The following RBFOX3 variants were observed in gnomAD, a reference collection of about 807,000 sequenced individuals.
RBFOX3 encodes RNA binding fox-1 homolog 3.
RBFOX3 carries 17 observed loss-of-function variants against 48.7 expected under a neutral mutation model. That is an observed-to-expected ratio of 0.35 (90% confidence interval 0.24 to 0.52). RBFOX3 has a LOEUF of 0.52. Ranked by LOEUF, RBFOX3 falls within the 20% of genes least tolerant of loss-of-function variation. The pLI is 0.94. For missense variants in RBFOX3, 382 were observed against 497.5 expected (o/e 0.77, Z 2.21); for synonymous variants, 212 against 209.5 (o/e 1.01, Z -0.10).
At chr17:79,122,500 C>T (rs955995590) in intron 4 of RBFOX3, among the ~76,000 whole-genome samples, 4 of 152,210 alleles carry the variant, frequency 2.6e-5, no homozygotes, top group Admixed American at 2.0e-4. Flanking sequence ...CAAAACTACA[C>T]TGAGATATCA....
intron 4 of RBFOX3, among the ~76,000 whole-genome samples, chr17:79,136,756 G>A (rs892352449): frequency 2.6e-5 from 4 of 152,162 alleles, no homozygotes; most frequent in African/African-American, 9.7e-5. Context: ...CCTGCCCCAG[G>A]GCAGGCGGCA....
At chr17:79,543,995 C>G (rs1383879697) in intron 1 of RBFOX3, among the ~76,000 whole-genome samples, 1 of 152,188 alleles carries the variant, frequency 6.6e-6, no homozygotes, top group African/African-American at 2.4e-5. Flanking sequence ...GAAACTCGTG[C>G]CTAGGAACAG....
chr17:79,390,075 T>G lies in RBFOX3; in HGVS notation c.-174-82251A>C, dbSNP rs866159743. 1.8e-4 allele frequency among the ~76,000 whole-genome samples: 27 copies of G among 150,034 alleles called. No homozygotes were observed. Among genetic ancestry groups the G allele is most frequent in the African/African-American group, 6.0e-4 (24 of 40,280 alleles). Reference sequence around the variant, plus strand: ...CCGCAGCCGCCGGGTCTCCGCAGCCTCCGGGTCTCCGCAGCCTCCGGGTCT... The same window carrying G: ...CCGCAGCCGCCGGGTCTCCGCAGCCGCCGGGTCTCCGCAGCCTCCGGGTCT... On this transcript the variant is annotated intron_variant, in intron 2 of 14. Coordinates refer to ENST00000693108, the MANE Select transcript of RBFOX3 (RefSeq NM_001350451.2). The surrounding 1 kb of genome is among the most constrained non-coding windows in gnomAD (Gnocchi z 4.2).
intron 3 of RBFOX3, among the ~76,000 whole-genome samples, chr17:79,301,989 T>C (rs528625341): frequency 2.0e-5 from 3 of 152,248 alleles, no homozygotes; most frequent in African/African-American, 7.2e-5. Context: ...TATTATTTAA[T>C]GGGGACAGAG....
rs1180290773 is a variant in RBFOX3, at chr17:79,106,665, G to A, written c.346C>T (p.Arg116Trp). ...IPFRFRDPDLRQMFGQFGKIL... is the reference protein window; with the variant it reads ...IPFRFRDPDLWQMFGQFGKIL... ...CGCACACTCACCCCGAACATTTGCC[G>A]CAAGTCGGGGTCCCTGAACCGGAAG... The change falls in exon 6 of 15, where the codon CGG (arginine) becomes TGG (tryptophan). Residue 116 changes from arginine to tryptophan, a missense_variant. By Grantham distance (101) the Arg-to-Trp change is moderately radical. Transcript: ENST00000693108. The A allele has an allele frequency of 6.1e-6, 9 of 1,481,652 alleles. No homozygotes were observed. The highest frequency in any genetic ancestry group is 8.0e-6 in the Non-Finnish European group (9 of 1,119,970). The allele number at this position is 1,481,652 out of a possible 1,614,324, so 91.8% of individuals were successfully genotyped here. A position where few individuals can be genotyped will look rare whatever the true frequency, so the allele number is the denominator to read the frequency against.
At chr17:79,240,220 C>T (rs1037193641) in intron 3 of RBFOX3, among the ~76,000 whole-genome samples, 2 of 152,296 alleles carry the variant, frequency 1.3e-5, no homozygotes, top group Admixed American at 6.5e-5. Flanking sequence ...GCTTGTGTGG[C>T]CCTTGAAATG....
chr17:79,155,492 T>C (rs2145050726), intron 4 of RBFOX3, among the ~76,000 whole-genome samples: 1 of 152,330 alleles, frequency 6.6e-6, no homozygotes, highest in Admixed American at 6.5e-5. Flanking sequence ...ATGGTGCAAT[T>C]TTGTCTGCAT....
At chr17:79,498,572 T>A (rs1214930572) in intron 1 of RBFOX3, among the ~76,000 whole-genome samples, 1 of 138,846 alleles carries the variant, frequency 7.2e-6, no homozygotes, top group Non-Finnish European at 1.6e-5. Flanking sequence ...CACCTATCCT[T>A]CCCCCCACCC....
At position 79,423,041 on chromosome 17, in the gene RBFOX3, C is replaced by T. The variant is rs1350659347; in HGVS notation, c.-175+59413G>A. Among the ~76,000 whole-genome samples the T allele has an allele frequency of 6.6e-6, 1 of 152,178 alleles. No individual in the cohort carries two copies. The stretch of plus-strand genomic sequence containing the variant: ...CAGGCACGGGACAGGCCGGCCCCTG[C>T]GACGGGACTTCGGGTGCCCCGTGTG... On this transcript the variant is annotated intron_variant, in intron 2 of 14. Coordinates refer to ENST00000693108, the MANE Select transcript of RBFOX3 (RefSeq NM_001350451.2). This position sits in a 1 kb window ranked among gnomAD's most constrained non-coding sequence, Gnocchi z 4.9.
intron 2 of RBFOX3, among the ~76,000 whole-genome samples, chr17:79,365,448 G>A (rs928103113): frequency 6.6e-6 from 1 of 152,264 alleles, no homozygotes; most frequent in Non-Finnish European, 1.5e-5. Context: ...TTAAATGCCT[G>A]TGATAACACT....
Position 79,477,608 on chromosome 17 carries a change from A to G in RBFOX3, c.-175+4846T>C, listed in dbSNP as rs797022819. On this transcript the variant is annotated intron_variant, in intron 2 of 14. Coordinates refer to ENST00000693108, the MANE Select transcript of RBFOX3 (RefSeq NM_001350451.2). This position sits in a 1 kb window ranked among gnomAD's most constrained non-coding sequence, Gnocchi z 4.8. Reference sequence around the variant, plus strand: ...AGGAAAAAAGGGTGAAACAGAAGCAATGGAGTGGGGCCCCAGGTCCTTGTC... The same window carrying G: ...AGGAAAAAAGGGTGAAACAGAAGCAGTGGAGTGGGGCCCCAGGTCCTTGTC... 2.3e-3 allele frequency among the ~76,000 whole-genome samples: 344 copies of G among 152,026 alleles called. 1 individual carries two copies. The highest frequency in any genetic ancestry group is 7.9e-3 in the African/African-American group (328 of 41,456).
At position 79,392,904 on chromosome 17, in the gene RBFOX3, C is replaced by A. The variant is rs1327190482; in HGVS notation, c.-174-85080G>T. On this transcript the variant is annotated intron_variant, in intron 2 of 14. Transcript: ENST00000693108. The surrounding 1 kb of genome is among the most constrained non-coding windows in gnomAD (Gnocchi z 5.0). ...AAGGATTCCTTCTCATTTATCCTGACATGTACTTACTAAATAGGAATATTT... is the reference window on the plus strand; with the variant it reads ...AAGGATTCCTTCTCATTTATCCTGAAATGTACTTACTAAATAGGAATATTT... Among the ~76,000 whole-genome samples the A allele has an allele frequency of 1.3e-5, 2 of 152,192 alleles. No homozygotes were observed. The highest frequency in any genetic ancestry group is 2.4e-5 in the African/African-American group (1 of 41,428).
At chr17:79,411,750 C>T (rs996143233) in intron 2 of RBFOX3, among the ~76,000 whole-genome samples, 1 of 152,180 alleles carries the variant, frequency 6.6e-6, no homozygotes, top group Non-Finnish European at 1.5e-5. Context: ...CTAGAGCACC[C>T]GTGTTGGACA....
At chr17:79,239,174 GC>G (rs2062013797) in intron 3 of RBFOX3, among the ~76,000 whole-genome samples, 1 of 152,244 alleles carries the variant, frequency 6.6e-6, no homozygotes, top group East Asian at 1.9e-4. Context: ...CTCCTCTTCT[GC>G]ACTCCCAGCA....
At chr17:79,545,154 T>G (rs2090245594) in intron 1 of RBFOX3, among the ~76,000 whole-genome samples, 1 of 152,196 alleles carries the variant, frequency 6.6e-6, no homozygotes, top group Admixed American at 6.5e-5. Context: ...ATATGGCTTA[T>G]TTTGTAAAAA....
At chr17:79,285,233 G>A (rs1427812676) in intron 3 of RBFOX3, among the ~76,000 whole-genome samples, 1 of 152,182 alleles carries the variant, frequency 6.6e-6, no homozygotes, top group East Asian at 1.9e-4. Context: ...TGTCAGTGGC[G>A]CTGTCCCCCC....
intron 6 of RBFOX3, among the ~76,000 whole-genome samples, chr17:79,105,898 G>A (rs1347992719): frequency 1.3e-5 from 2 of 151,734 alleles, no homozygotes; most frequent in Admixed American, 6.6e-5. Flanking sequence ...AGCTGCTGCC[G>A]CTCACCCACC....
At chr17:79,400,038 G>A (rs762363148) in intron 2 of RBFOX3, among the ~76,000 whole-genome samples, 3 of 152,068 alleles carry the variant, frequency 2.0e-5, no homozygotes, top group African/African-American at 2.4e-5. Context: ...TGATTTAACC[G>A]GTTTCCAGAC....
intron 2 of RBFOX3, among the ~76,000 whole-genome samples, chr17:79,406,981 T>G (rs2063620276): frequency 6.6e-6 from 1 of 152,136 alleles, no homozygotes; most frequent in Admixed American, 6.5e-5. Context: ...GATCCACCGG[T>G]GCTTACCAAC....
Sources: allele counts gnomAD v4.1 joint callset (sites outside exome capture counted in the v4.1 genomes callset), GRCh38; gene constraint gnomAD v4.1.1; non-coding constraint Gnocchi (gnomAD v3.1); transcripts MANE v1.5; gene names NCBI Gene and HGNC (gene_info 2026-07-23, HGNC 2026-07-21).